The following ITPR2 variants were observed in gnomAD, a reference collection of about 807,000 sequenced individuals.
ITPR2 encodes the protein inositol 1,4,5-trisphosphate receptor type 2.
A neutral mutation model predicts 317.1 loss-of-function variants in ITPR2; 207 were observed. The ratio of observed to expected loss-of-function variants is 0.65; its 90% CI spans 0.58 to 0.73. ITPR2 has a LOEUF of 0.73. Among genes scored for constraint, ITPR2 ranks in the 30% least tolerant of loss-of-function variants. The probability of loss-of-function intolerance (pLI) is 0.00; values close to 1 mark genes in which losing one functional copy is unlikely to be tolerated. For missense variants in ITPR2, 2,613 were observed against 3,284.0 expected (o/e 0.80, Z 4.99); for synonymous variants, 1,156 against 1,149.1 (o/e 1.01, Z -0.12).
chr12:26,501,122 A>AT (rs1281566257), intron 37 of ITPR2, among the ~76,000 whole-genome samples: 8 of 152,272 alleles, frequency 5.3e-5, no homozygotes, highest in African/African-American at 1.9e-4. Flanking sequence ...AAGATTCATG[A>AT]TAAGCTACCA....
intron 2 of ITPR2, among the ~76,000 whole-genome samples, chr12:26,764,188 C>G (rs1483013200): frequency 6.6e-6 from 1 of 152,016 alleles, no homozygotes; most frequent in African/African-American, 2.4e-5. Context: ...TTTCACCCTT[C>G]ACAAAAATTA....
Position 26,387,500 on chromosome 12 carries a change from G to C in ITPR2, c.7791C>G (p.Val2597=), listed in dbSNP as rs1433415397. Residue 2597 remains valine, a synonymous_variant, in exon 55 of 57, where the codon GTC becomes GTG. Coordinates refer to ENST00000381340, the MANE Select transcript of ITPR2 (RefSeq NM_002223.4). ...HNMWHYLYFI[V]LVKVKDPTEY... ...CTGTTGGGTCTTTAACTTTCACCAG[G>C]ACTATGAAGTACAAATAATGCCACA... 1.2e-6 allele frequency: 2 copies of C among 1,613,708 alleles called. No individual in the cohort carries two copies. The highest frequency in any genetic ancestry group is 1.7e-5 in the Admixed American group (1 of 59,998).
intron 45 of ITPR2, among the ~76,000 whole-genome samples, chr12:26,447,497 A>G (rs993722836): frequency 5.3e-5 from 8 of 149,606 alleles, no homozygotes; most frequent in African/African-American, 1.5e-4. Context: ...TGTTCACTTC[A>G]GTATGGGTCC....
chr12:26,409,137 C>T (rs1699606824), intron 52 of ITPR2, among the ~76,000 whole-genome samples: 1 of 152,140 alleles, frequency 6.6e-6, no homozygotes, highest in Admixed American at 6.5e-5. Flanking sequence ...CTGTGACAGA[C>T]TCTGCAAGCT....
In ITPR2 at chr12:26,481,083, A is replaced by G. The variant is rs1476679716; in HGVS notation, c.6123+48T>C. On this transcript the variant is annotated intron_variant, in intron 43 of 56. Coordinates refer to ENST00000381340, the MANE Select transcript of ITPR2 (RefSeq NM_002223.4). ...TTGACAAGAGCTGCTTGAAGATTGT[A>G]CTATAGAGACTGTAGCTTTTCTGGC... 4 of 1,046,778 alleles carry G rather than the reference A, an allele frequency of 3.8e-6. No individual in the cohort carries two copies. The South Asian group carries it at 5.2e-5, about 14-fold the overall frequency. 64.8% of individuals were successfully genotyped at this position (1,046,778 alleles called of 1,614,324 possible).
intron 37 of ITPR2, among the ~76,000 whole-genome samples, chr12:26,521,433 C>T (rs1488694205): frequency 6.6e-6 from 1 of 152,086 alleles, no homozygotes; most frequent in Non-Finnish European, 1.5e-5. Flanking sequence ...CTAGAAAATA[C>T]ATGTTCTGCA....
At chr12:26,354,471 A>G (rs967443072) in intron 55 of ITPR2, among the ~76,000 whole-genome samples, 1 of 152,186 alleles carries the variant, frequency 6.6e-6, no homozygotes, top group Admixed American at 6.5e-5. Flanking sequence ...ACATGGTCAT[A>G]GTCACAGAGC....
At chr12:26,762,281 C>A (rs1022327517) in intron 2 of ITPR2, among the ~76,000 whole-genome samples, 3 of 152,186 alleles carry the variant, frequency 2.0e-5, no homozygotes, top group Non-Finnish European at 4.4e-5. Context: ...AAGAGATCAT[C>A]ACTGAAACAC....
At chr12:26,424,652 C>T (rs554457733) in intron 49 of ITPR2, among the ~76,000 whole-genome samples, 189 of 134,160 alleles carry the variant, frequency 1.4e-3, no homozygotes, top group African/African-American at 5.1e-3. Flanking sequence ...TGCAGTGGCA[C>T]GATCTCGGCT....
At chr12:26,611,561 C>CT (rs1284067159) in intron 26 of ITPR2, among the ~76,000 whole-genome samples, 1 of 151,462 alleles carries the variant, frequency 6.6e-6, no homozygotes, top group East Asian at 1.9e-4. Context: ...AGACCCATCT[C>CT]TAAAAAAAAG....
intron 21 of ITPR2, among the ~76,000 whole-genome samples, chr12:26,641,690 A>G (rs1946992276): frequency 6.6e-6 from 1 of 152,222 alleles, no homozygotes; most frequent in Admixed American, 6.5e-5. Context: ...ATACCTTTAC[A>G]TAGAAATCCC....
At chr12:26,702,941 T>C (rs1202956420) in intron 9 of ITPR2, among the ~76,000 whole-genome samples, 1 of 152,224 alleles carries the variant, frequency 6.6e-6, no homozygotes, top group Non-Finnish European at 1.5e-5. Context: ...GCAACATATG[T>C]GTTTTCTCTA....
At chr12:26,458,082 A>G (rs891732952) in intron 45 of ITPR2, among the ~76,000 whole-genome samples, 7 of 152,162 alleles carry the variant, frequency 4.6e-5, no homozygotes, top group African/African-American at 7.2e-5. Flanking sequence ...GGATCAGCTG[A>G]CCTTTCAGTA....
intron 24 of ITPR2, among the ~76,000 whole-genome samples, chr12:26,624,030 T>C (rs1471003168): frequency 6.6e-6 from 1 of 152,186 alleles, no homozygotes; most frequent in African/African-American, 2.4e-5. Flanking sequence ...TGGGCTGTCA[T>C]TATTTGAGGA....
chr12:26,781,652 TCAA>T (rs1950079199), intron 2 of ITPR2, among the ~76,000 whole-genome samples: 1 of 152,118 alleles, frequency 6.6e-6, no homozygotes. Context: ...ATACTGAGTG[TCAA>T]CTTGATTGGA....
At position 26,781,989 on chromosome 12, in the gene ITPR2, CCTGTAT is replaced by C. The variant is rs1463097953; in HGVS notation, c.163+8162_163+8167del. On this transcript the variant is annotated intron_variant, in intron 2 of 56. Coordinates refer to ENST00000381340, the MANE Select transcript of ITPR2 (RefSeq NM_002223.4). Reference sequence around the variant, plus strand: ...GAGTTAATACTACTTAATAAACTCCCCTGTATATATATATATATATATATATATATA... The same window carrying C: ...GAGTTAATACTACTTAATAAACTCCCATATATATATATATATATATATATA... Among the ~76,000 whole-genome samples, 6 of 73,580 alleles carry C rather than the reference CCTGTAT, an allele frequency of 8.2e-5. 1 individual carries two copies. Among genetic ancestry groups the C allele is most frequent in the African/African-American group, 3.5e-4 (6 of 17,282 alleles). 48.3% of individuals were successfully genotyped at this position (73,580 alleles called of 152,430 possible). A position where few individuals can be genotyped will look rare whatever the true frequency, so the allele number is the denominator to read the frequency against.
At chr12:26,383,710 A>T (rs1433569093) in intron 55 of ITPR2, among the ~76,000 whole-genome samples, 1 of 146,896 alleles carries the variant, frequency 6.8e-6, no homozygotes, top group Non-Finnish European at 1.5e-5. Flanking sequence ...ATTAGCCAGG[A>T]TGGTCTCAAT....
intron 26 of ITPR2, among the ~76,000 whole-genome samples, chr12:26,611,734 A>T (rs1946273927): frequency 6.6e-6 from 1 of 152,204 alleles, no homozygotes; most frequent in Non-Finnish European, 1.5e-5. Flanking sequence ...TGCCCACGTG[A>T]CCTGCATCTC....
intron 24 of ITPR2, 86 bp downstream of exon 24, chr12:26,624,213 T>C (rs1276458839): frequency 7.7e-6 from 7 of 912,622 alleles, no homozygotes; most frequent in Middle Eastern, 2.5e-4. Context: ...TAAATAGATA[T>C]AGAGTGAACA....
Sources: gnomAD v4.1 joint callset for allele counts (sites outside exome capture counted in the v4.1 genomes callset) on GRCh38, gnomAD v4.1.1 for gene constraint, MANE v1.5 for transcripts, NCBI Gene and HGNC (gene_info 2026-07-23, HGNC 2026-07-21) for gene names.